Variants in ZFHX3 observed in about 807,000 individuals in gnomAD.
ZFHX3 encodes the protein zinc finger homeobox protein 3.
In ZFHX3, 42 loss-of-function variants were observed where a neutral mutation model predicts 279.1. The observed-to-expected ratio is 0.15, with a 90% confidence interval of 0.12 to 0.19. The LOEUF is 0.19. Ranked by LOEUF, ZFHX3 falls within the 10% of genes least tolerant of loss-of-function variation. The pLI is 1.00. For missense variants in ZFHX3, 4,981 were observed against 4,754.0 expected (o/e 1.05, Z -1.40); for synonymous variants, 2,293 against 1,957.8 (o/e 1.17, Z -4.52).
chr16:73,162,156 G>A (rs1258870477), intron 5 of ZFHX3, among the ~76,000 whole-genome samples: 2 of 152,214 alleles, frequency 1.3e-5, no homozygotes, highest in East Asian at 3.9e-4. Flanking sequence ...CACACAGCAG[G>A]AGTTGAGCAA....
At chr16:73,496,253 G>A (rs74028682) in intron 2 of ZFHX3, among the ~76,000 whole-genome samples, 1,887 of 152,344 alleles carry the variant, frequency 0.012, 43 homozygotes, top group African/African-American at 0.042. Flanking sequence ...CATCGTGGCC[G>A]GGCGTGGCGG....
chr16:73,673,272 C>T (rs939227109), intron 2 of ZFHX3, among the ~76,000 whole-genome samples: 14 of 152,098 alleles, frequency 9.2e-5, no homozygotes, highest in Non-Finnish European at 1.6e-4. Flanking sequence ...GCTAATTTTC[C>T]TACTTTTAAG....
intron 1 of ZFHX3, chr16:73,005,494 CA>C: frequency 6.7e-6 from 1 of 149,856 alleles, no homozygotes. Flanking sequence ...GACTCTGTCT[CA>C]AAAAAAGAAA....
At chr16:73,174,492 T>C (rs1274802861) in intron 5 of ZFHX3, among the ~76,000 whole-genome samples, 1 of 152,118 alleles carries the variant, frequency 6.6e-6, no homozygotes, top group Non-Finnish European at 1.5e-5. Flanking sequence ...AGGTTTGAGT[T>C]CACGTGTTTT....
intron 1 of ZFHX3, among the ~76,000 whole-genome samples, chr16:72,984,625 C>CAAAA (rs60014247): frequency 7.5e-6 from 1 of 132,634 alleles, no homozygotes; most frequent in Non-Finnish European, 1.6e-5. Flanking sequence ...GACTCTGACT[C>CAAAA]AAAAAAAAAA....
intron 7 of ZFHX3, among the ~76,000 whole-genome samples, chr16:72,809,074 GACC>G (rs2036358248): frequency 6.6e-6 from 1 of 152,130 alleles, no homozygotes; most frequent in Non-Finnish European, 1.5e-5. Flanking sequence ...GATTCACAAT[GACC>G]ACCACACTTG....
intron 1 of ZFHX3, among the ~76,000 whole-genome samples, chr16:73,782,118 A>T (rs1959492070): frequency 6.6e-6 from 1 of 152,242 alleles, no homozygotes; most frequent in South Asian, 2.1e-4. Flanking sequence ...CTCTTTGGTC[A>T]GGAATGGTGC....
intron 5 of ZFHX3, among the ~76,000 whole-genome samples, chr16:72,820,212 G>A (rs939691448): frequency 2.6e-5 from 4 of 152,200 alleles, no homozygotes; most frequent in African/African-American, 9.6e-5. Context: ...AGGTGGGATG[G>A]TGGGCACACG....
At chr16:73,501,740 T>C (rs888612753) in intron 2 of ZFHX3, among the ~76,000 whole-genome samples, 1 of 152,116 alleles carries the variant, frequency 6.6e-6, no homozygotes, top group African/African-American at 2.4e-5. Context: ...AAATTAATTA[T>C]AAAAATTAAA....
chr16:73,750,286 A>C (rs1699592027), intron 1 of ZFHX3, among the ~76,000 whole-genome samples: 3 of 152,212 alleles, frequency 2.0e-5, no homozygotes, highest in Admixed American at 6.5e-5. Context: ...GTGGAAATTG[A>C]CAGAGTTGTG....
intron 4 of ZFHX3, among the ~76,000 whole-genome samples, chr16:73,280,629 G>C (rs1042257894): frequency 1.3e-5 from 2 of 152,038 alleles, no homozygotes; most frequent in Non-Finnish European, 2.9e-5. Flanking sequence ...GTGGAAAGAA[G>C]GAAAACCTTG....
At chr16:73,284,788 A>T (rs1436724470) in intron 4 of ZFHX3, among the ~76,000 whole-genome samples, 1 of 152,202 alleles carries the variant, frequency 6.6e-6, no homozygotes, top group Non-Finnish European at 1.5e-5. Context: ...CCAACACTGA[A>T]ATGAATATCC....
rs897039512 is a variant in ZFHX3 at position 73,119,930 on chromosome 16, T to G, written c.-897+11038A>C. ...TACAACAAACAAAAAAACCTTTGTT[T>G]TGCTTGAGGCTGAGCTTTCTTATTC... On this transcript the variant is annotated intron_variant, in intron 7 of 17. Transcript: ENST00000641206. 8.5e-5 allele frequency among the ~76,000 whole-genome samples: 13 copies of G among 152,308 alleles called. 1 individual carries two copies. The highest frequency in any genetic ancestry group is 2.6e-4 in the Admixed American group (4 of 15,288).
chr16:73,395,758 C>T (rs991064134), intron 3 of ZFHX3, among the ~76,000 whole-genome samples: 9 of 152,064 alleles, frequency 5.9e-5, no homozygotes, highest in African/African-American at 2.2e-4. Flanking sequence ...ACTTGAACCT[C>T]ACCACAGGTG....
intron 3 of ZFHX3, among the ~76,000 whole-genome samples, chr16:72,904,487 G>C (rs186562335): frequency 5.3e-5 from 8 of 152,070 alleles, no homozygotes; most frequent in Admixed American, 5.2e-4. Context: ...TTCCTCCTGG[G>C]TCTTCAGCTT....
At chr16:72,889,610 T>C in intron 4 of ZFHX3, 121 bp downstream of exon 4, 2 of 903,084 alleles carry the variant, frequency 2.2e-6, no homozygotes, top group Non-Finnish European at 3.3e-6. Flanking sequence ...GTGAAGTCAG[T>C]AAGGAACATG....
chr16:73,295,863 C>T (rs1824334653), intron 4 of ZFHX3, among the ~76,000 whole-genome samples: 1 of 152,166 alleles, frequency 6.6e-6, no homozygotes, highest in Non-Finnish European at 1.5e-5. Context: ...CTGGGCTTTA[C>T]CCAACAGGCA....
At chr16:73,092,868 G>A (rs183196738) in intron 8 of ZFHX3, 10 of 515,342 alleles carry the variant, frequency 1.9e-5, no homozygotes, top group Middle Eastern at 3.3e-4. Context: ...AGGGACAACA[G>A]TAAATCTGAG....
intron 4 of ZFHX3, among the ~76,000 whole-genome samples, chr16:73,270,446 A>C (rs1262543084): frequency 6.6e-6 from 1 of 152,158 alleles, no homozygotes; most frequent in East Asian, 1.9e-4. Context: ...TGCTGAGCTC[A>C]TCTCAGGGGA....
Sources: allele counts gnomAD v4.1 joint callset (sites outside exome capture counted in the v4.1 genomes callset), GRCh38; gene constraint gnomAD v4.1.1; transcripts MANE v1.5; gene names NCBI Gene and HGNC (gene_info 2026-07-23, HGNC 2026-07-21).